The following ZNF862 variants were observed in gnomAD, a reference collection of about 807,000 sequenced individuals.
The protein encoded by ZNF862 is zinc finger protein 862.
In ZNF862, 64 loss-of-function variants were observed where a neutral mutation model predicts 91.1. The ratio of observed to expected loss-of-function variants is 0.70; its 90% CI spans 0.57 to 0.87. The LOEUF (loss-of-function observed/expected upper bound fraction) is 0.87. Ranked by LOEUF, ZNF862 falls within the 40% of genes least tolerant of loss-of-function variation. The pLI, the probability that ZNF862 is intolerant of heterozygous loss-of-function variation, is 0.00. For missense variants in ZNF862, 1,459 were observed against 1,528.0 expected, an observed-to-expected ratio of 0.95 and a Z score of 0.75; for synonymous variants, 631 against 618.1, an observed-to-expected ratio of 1.02 and a Z score of -0.31.
rs1368961298 is a variant in ZNF862, at chr7:149,864,143, CTA to C, written c.3371_3372del (p.Tyr1124CysfsTer70). 6.3e-7 allele frequency: 1 copy of C among 1,591,910 alleles called. No individual in the cohort carries two copies. The highest frequency in any genetic ancestry group is 1.8e-5 in the Admixed American group (1 of 56,668). ...RLRKEEMGAL[Y>X]VEEPRTQKPP... ...TCAGGAAGGAGGAGATGGGAGCCCT[CTA>C]TGTGGAGGAGCCCAGGACCCAGAAG... is the stretch of plus-strand genomic sequence containing the variant. On this transcript the variant is annotated frameshift_variant, in exon 8 of 8. Transcript: ENST00000223210. LOFTEE classifies it low-confidence loss of function (END_TRUNC).
At chr7:149,854,971 T>TC (rs916255184) in intron 5 of ZNF862, among the ~76,000 whole-genome samples, 5 of 152,048 alleles carry the variant, frequency 3.3e-5, no homozygotes, top group Admixed American at 6.6e-5. Context: ...CTGTTCAGAG[T>TC]CCCCTAACCT....
intron 1 of ZNF862, chr7:149,840,707 G>A (rs1204916729): frequency 6.6e-6 from 1 of 150,720 alleles, no homozygotes; most frequent in African/African-American, 2.5e-5. Context: ...TACTTACCAT[G>A]TGTTACAGTG....
Position 149,864,744 on chromosome 7 carries a change from G to A in ZNF862, c.*460G>A, listed in dbSNP as rs115413635. The stretch of plus-strand genomic sequence containing the variant: ...AGGGACAGCTGGCCTGGCTGCAAGA[G>A]CCCCCAGAGGCATTGTTCTGGGACT... On this transcript the variant is annotated 3_prime_UTR_variant, in exon 8 of 8. Coordinates refer to ENST00000223210, the MANE Select transcript of ZNF862 (RefSeq NM_001099220.3). The A allele has an allele frequency of 8.7e-3, 1,376 of 157,530 alleles. 23 individuals carry two copies. Among genetic ancestry groups the A allele is most frequent in the African/African-American group, 0.031 (1,297 of 41,644 alleles). The allele number at this position is 157,530 out of a possible 1,614,324, so 9.8% of individuals were successfully genotyped here.
chr7:149,861,564 G>T lies in ZNF862; in HGVS notation c.2404G>T (p.Val802Leu). The T allele has an allele frequency of 1.3e-6, 2 of 1,596,462 alleles. No individual in the cohort carries two copies. Among genetic ancestry groups the T allele is most frequent in the Non-Finnish European group, 8.5e-7 (1 of 1,173,342 alleles). The change falls in exon 7 of 8, where the codon GTG becomes TTG. Residue 802 changes from valine (V) to leucine (L), a missense_variant. Val to Leu is a conservative substitution (Grantham distance 32). Transcript: ENST00000223210. The surrounding 1 kb of genome is among the most constrained non-coding windows in gnomAD (Gnocchi z 6.7). ...SRRRTLHALL[V>L]SWPALARHLQ... is the part of the protein sequence containing the mutation. ...GAGGCGCACGCTGCACGCGCTGCTC[G>T]TGAGCTGGCCCGCCCTGGCCAGGCA...
Position 149,860,743 on chromosome 7 carries a change from GTGTCA to G in ZNF862, c.1584_1588del (p.Cys528Ter), listed in dbSNP as rs1383851531. The G allele has an allele frequency of 1.9e-6, 3 of 1,613,796 alleles. No homozygotes were observed. The highest frequency in any genetic ancestry group is 1.3e-5 in the African/African-American group (1 of 74,926). On this transcript the variant is annotated stop_gained and frameshift_variant, in exon 7 of 8. Coordinates refer to ENST00000223210, the MANE Select transcript of ZNF862 (RefSeq NM_001099220.3). LOFTEE classifies it high-confidence loss of function. ...GAAGTCAGCAAAGCGCACAGGCTCT[GTGTCA>G]ACACGGTTGAAATCAAGGAAGACAC...
rs749657749 is a variant in ZNF862, at chr7:149,862,314, G to A, written c.3154G>A (p.Asp1052Asn). 4 of 1,613,380 alleles carry A rather than the reference G, an allele frequency of 2.5e-6. No homozygotes were observed. Among genetic ancestry groups the A allele is most frequent in the African/African-American group, 1.3e-5 (1 of 75,014 alleles). Reference sequence around the variant, plus strand: ...CAAGGCCATGAACCGAATCAGGACCGATGAGAGGACCAAGCTCTCCAACGA... The same window carrying A: ...CAAGGCCATGAACCGAATCAGGACCAATGAGAGGACCAAGCTCTCCAACGA... Reference protein sequence around the residue: ...GFKAMNRIRTDERTKLSNEVL... With the variant: ...GFKAMNRIRTNERTKLSNEVL... The change falls in exon 7 of 8, where the codon GAT (aspartate) becomes AAT (asparagine). Residue 1052 changes from aspartate to asparagine, a missense_variant. Asp to Asn is a conservative substitution (Grantham distance 23). Transcript: ENST00000223210.
chr7:149,848,031 G>A lies in ZNF862; in HGVS notation c.538G>A (p.Gly180Ser), dbSNP rs780359264. 5.0e-6 allele frequency: 8 copies of A among 1,613,928 alleles called. No homozygotes were observed. The highest frequency in any genetic ancestry group is 6.8e-6 in the Non-Finnish European group (8 of 1,179,844). ...IRDKRSRLIE[G>S]YTGPFKVETL... The stretch of plus-strand genomic sequence containing the variant: ...GGACAAACGGTCAAGACTAATAGAA[G>A]GTTATACAGGACCATTCAAGGTGGA... The change falls in exon 4 of 8, where the codon GGT (glycine) becomes AGT (serine). Residue 180 changes from glycine (G) to serine (S), a missense_variant. Physicochemically the swap from Gly to Ser is moderately conservative, Grantham distance 56. Transcript: ENST00000223210.
At chr7:149,860,142 G>T (rs1802407518) in intron 6 of ZNF862, 2 of 546,318 alleles carry the variant, frequency 3.7e-6, no homozygotes, top group South Asian at 5.0e-5. Context: ...GGATAGGGTG[G>T]TTGGGGCGCT....
Position 149,862,270 on chromosome 7 carries a change from C to T in ZNF862, c.3110C>T (p.Ser1037Phe), listed in dbSNP as rs760274994. Reference sequence around the variant, plus strand: ...GTGGTCTGTGTGCCCATCTCCACCTCTTGCTGTGAGCGGGGGTTCAAGGCC... The same window carrying T: ...GTGGTCTGTGTGCCCATCTCCACCTTTTGCTGTGAGCGGGGGTTCAAGGCC... ...AVVVCVPISTSCCERGFKAMN... is the reference protein window; with the variant it reads ...AVVVCVPISTFCCERGFKAMN... Residue 1037 changes from serine to phenylalanine, a missense_variant, in exon 7 of 8, where the codon TCT (serine) becomes TTT (phenylalanine). By Grantham distance (155) the Ser-to-Phe change is radical. Coordinates refer to ENST00000223210, the MANE Select transcript of ZNF862 (RefSeq NM_001099220.3). 15 of 1,613,744 alleles carry T rather than the reference C, an allele frequency of 9.3e-6. No homozygotes were observed. In the Admixed American group the frequency reaches 1.3e-4, roughly 14 times the overall value.
chr7:149,859,187 G>A (rs542056301), intron 5 of ZNF862: 4 of 575,094 alleles, frequency 7.0e-6, no homozygotes, highest in South Asian at 2.0e-5. Flanking sequence ...CCCCTCTGGT[G>A]TGTATGGCTG....
chr7:149,853,794 C>T (rs998582042), intron 5 of ZNF862, among the ~76,000 whole-genome samples: 9 of 152,058 alleles, frequency 5.9e-5, no homozygotes, highest in African/African-American at 7.2e-5. Context: ...AAAAATTAGC[C>T]GAGCGTAGTG....
intron 4 of ZNF862, 91 bp downstream of exon 4, chr7:149,848,523 A>G: frequency 9.6e-7 from 1 of 1,046,402 alleles, no homozygotes; most frequent in South Asian, 1.9e-5. Flanking sequence ...AAAAAAGAAT[A>G]CTAGTGATAA....
chr7:149,864,041 G>A (rs1802618952), intron 7 of ZNF862, 68 bp from the exon 8 acceptor site: 1 of 1,496,574 alleles, frequency 6.7e-7, no homozygotes, highest in African/African-American at 1.4e-5. Context: ...ACAGCCCCTG[G>A]GCGAAGCTGG....
Position 149,855,783 on chromosome 7 carries a change from C to T in ZNF862, c.1118-3639C>T, listed in dbSNP as rs1042899661. Among the ~76,000 whole-genome samples, 55 of 152,192 alleles carry T rather than the reference C, an allele frequency of 3.6e-4. 2 individuals are homozygous for T. The highest frequency in any genetic ancestry group is 1.2e-4 in the Non-Finnish European group (8 of 68,032). On this transcript the variant is annotated intron_variant, in intron 5 of 7. Transcript: ENST00000223210. The surrounding 1 kb of genome is among the most constrained non-coding windows in gnomAD (Gnocchi z 4.1). ...GGCCTCTTCTCATTCCCCATGTGGC[C>T]CACATCTGAACCATAGAAGCACTTC...
chr7:149,844,573 A>G, intron 1 of ZNF862, 52 bp from the exon 2 acceptor site: 3 of 1,379,598 alleles, frequency 2.2e-6, no homozygotes, highest in South Asian at 1.3e-5. Context: ...CACTTTTGGA[A>G]GATAAATCTA....
intron 1 of ZNF862, among the ~76,000 whole-genome samples, chr7:149,840,187 TAA>T (rs60721842): frequency 0.014 from 581 of 41,228 alleles, 2 homozygotes; most frequent in African/African-American, 0.039. Flanking sequence ...GCTTAAAAAG[TAA>T]AAAAAAAAAA....
At position 149,846,233 on chromosome 7, in the gene ZNF862, G is replaced by A. The variant is rs780305415; in HGVS notation, c.219G>A (p.Arg73=). 2.5e-6 allele frequency: 4 copies of A among 1,613,662 alleles called. No individual in the cohort carries two copies. Among genetic ancestry groups the A allele is most frequent in the Non-Finnish European group, 2.5e-6 (3 of 1,179,792 alleles). ...GGCTTGGCAGCGTCCAGGGCCAGAG[G>A]AGCCTTCTGGAGCATCACCCAGGTG... The part of the protein sequence containing the change: ...EPWLGSVQGQ[R]SLLEHHPGKK... The change falls in exon 3 of 8, where the codon AGG becomes AGA. Residue 73 remains arginine (R), a synonymous_variant. Coordinates refer to ENST00000223210, the MANE Select transcript of ZNF862 (RefSeq NM_001099220.3).
intron 2 of ZNF862, 151 bp downstream of exon 2, chr7:149,844,887 C>G: frequency 1.7e-6 from 1 of 595,706 alleles, no homozygotes; most frequent in Non-Finnish European, 3.0e-6. Context: ...CCGTATCTAC[C>G]TTAATTGCAT....
At chr7:149,842,075 T>C (rs1278919743) in intron 1 of ZNF862, among the ~76,000 whole-genome samples, 1 of 152,186 alleles carries the variant, frequency 6.6e-6, no homozygotes, top group Non-Finnish European at 1.5e-5. Flanking sequence ...CCTTCCTTGC[T>C]CAGGAGAAGG....
Sources: allele counts gnomAD v4.1 joint callset (sites outside exome capture counted in the v4.1 genomes callset), GRCh38; gene constraint gnomAD v4.1.1; non-coding constraint Gnocchi (gnomAD v3.1); transcripts MANE v1.5; gene names NCBI Gene and HGNC (gene_info 2026-07-23, HGNC 2026-07-21).